RAD54B: variants seen among roughly 807,000 people sequenced by gnomAD.
The protein encoded by RAD54B is DNA repair and recombination protein RAD54B.
Under a neutral mutation model 95.8 loss-of-function variants are expected in RAD54B, and 78 were observed. That is an observed-to-expected ratio of 0.81 (90% CI 0.68 to 0.98). The LOEUF is 0.98. RAD54B is among the 50% of genes least tolerant of loss of function. The pLI is 0.00. For synonymous variants in RAD54B, 328 were observed against 354.9 expected, an observed-to-expected ratio of 0.92 and a Z score of 0.85; for missense variants, 957 against 1,056.6, an observed-to-expected ratio of 0.91 and a Z score of 1.31.
chr8:94,447,589 A>G (rs541952795), intron 3 of RAD54B, among the ~76,000 whole-genome samples: 10 of 152,354 alleles, frequency 6.6e-5, no homozygotes, highest in African/African-American at 2.2e-4. Context: ...CCTGCTTCGT[A>G]CACTGAGGAT....
chr8:94,422,502 G>A (rs1237347161), intron 3 of RAD54B, among the ~76,000 whole-genome samples: 5 of 142,506 alleles, frequency 3.5e-5, no homozygotes, highest in African/African-American at 5.2e-5. Flanking sequence ...CAGGAGAATC[G>A]CTTGAATCCG....
intron 8 of RAD54B, among the ~76,000 whole-genome samples, chr8:94,395,489 C>T (rs573260219): frequency 6.6e-5 from 10 of 152,264 alleles, no homozygotes; most frequent in African/African-American, 2.4e-4. Context: ...TGATTGCAAA[C>T]TATAGAGGAG....
chr8:94,399,361 G>A (rs748980661), intron 8 of RAD54B, 53 bp downstream of exon 8: 46 of 1,394,866 alleles, frequency 3.3e-5, no homozygotes, highest in Non-Finnish European at 4.6e-5. Context: ...GTACAAGTCT[G>A]TATGTTCACT....
At chr8:94,419,327 G>A (rs948091509) in intron 3 of RAD54B, among the ~76,000 whole-genome samples, 3 of 152,074 alleles carry the variant, frequency 2.0e-5, no homozygotes, top group Non-Finnish European at 4.4e-5. Flanking sequence ...GACCAACATG[G>A]TGAAACCCTG....
At chr8:94,454,590 T>C (rs911519965) in intron 3 of RAD54B, among the ~76,000 whole-genome samples, 10 of 152,134 alleles carry the variant, frequency 6.6e-5, no homozygotes, top group African/African-American at 2.2e-4. Flanking sequence ...CACACATCTT[T>C]TGTGTTTAAC....
intron 5 of RAD54B, 124 bp downstream of exon 5, chr8:94,407,315 A>T: frequency 1.1e-6 from 1 of 901,630 alleles, no homozygotes. Flanking sequence ...GTCAGATTAT[A>T]TATCTCAAGA....
At chr8:94,406,166 C>T (rs930950183) in intron 5 of RAD54B, among the ~76,000 whole-genome samples, 1 of 152,004 alleles carries the variant, frequency 6.6e-6, no homozygotes, top group African/African-American at 2.4e-5. Context: ...CACTCTAAAT[C>T]TCTACGGTGG....
At chr8:94,427,665 C>G (rs1293716126) in intron 3 of RAD54B, 2 of 965,080 alleles carry the variant, frequency 2.1e-6, no homozygotes, top group Non-Finnish European at 1.2e-6. Flanking sequence ...TTTACCTCTA[C>G]AGTACTGAAT....
intron 3 of RAD54B, among the ~76,000 whole-genome samples, chr8:94,445,236 C>CCA (rs1358318659): frequency 2.6e-5 from 4 of 152,040 alleles, no homozygotes; most frequent in African/African-American, 9.7e-5. Context: ...TTAAAGGGTA[C>CCA]TAATCGCATT....
intron 3 of RAD54B, among the ~76,000 whole-genome samples, chr8:94,415,044 A>G (rs989320125): frequency 9.2e-5 from 14 of 151,826 alleles, no homozygotes; most frequent in African/African-American, 3.1e-4. Flanking sequence ...ACCAAAAAAG[A>G]GCCCGCATTG....
intron 2 of RAD54B, among the ~76,000 whole-genome samples, chr8:94,460,742 G>A (rs1563665727): frequency 6.6e-6 from 1 of 151,854 alleles, no homozygotes; most frequent in Non-Finnish European, 1.5e-5. Flanking sequence ...GGATGCTCCA[G>A]GAGAGAATAT....
chr8:94,429,169 T>C (rs1450192495), intron 3 of RAD54B: 1 of 925,906 alleles, frequency 1.1e-6, no homozygotes, highest in Non-Finnish European at 1.3e-6. Flanking sequence ...AGGTTTCTTA[T>C]TGTATACAGC....
intron 14 of RAD54B, among the ~76,000 whole-genome samples, chr8:94,375,067 T>G (rs1198164959): frequency 6.6e-6 from 1 of 152,226 alleles, no homozygotes; most frequent in Non-Finnish European, 1.5e-5. Flanking sequence ...CATTCTAGTG[T>G]ATTTCTGGGA....
chr8:94,441,981 CA>C (rs930425891), intron 3 of RAD54B, among the ~76,000 whole-genome samples: 2 of 151,890 alleles, frequency 1.3e-5, no homozygotes, highest in African/African-American at 4.8e-5. Context: ...TAAACAAAGG[CA>C]AAAAAATCAA....
At chr8:94,412,962 AG>A (rs1811567100) in intron 3 of RAD54B, among the ~76,000 whole-genome samples, 1 of 152,202 alleles carries the variant, frequency 6.6e-6, no homozygotes, top group Admixed American at 6.5e-5. Flanking sequence ...CATTCACAGT[AG>A]CTCCAAAAAA....
At chr8:94,474,239 G>T (rs971011855) in intron 1 of RAD54B, among the ~76,000 whole-genome samples, 1 of 152,120 alleles carries the variant, frequency 6.6e-6, no homozygotes, top group African/African-American at 2.4e-5. Flanking sequence ...GAGGAGCAAG[G>T]GTTCAAAAAC....
chr8:94,412,516 C>G (rs1054110521), intron 3 of RAD54B, among the ~76,000 whole-genome samples: 3 of 151,964 alleles, frequency 2.0e-5, no homozygotes, highest in African/African-American at 7.2e-5. Flanking sequence ...GCTTCTTACA[C>G]CTAACTTGCA....
At chr8:94,417,573 C>A (rs954826351) in intron 3 of RAD54B, among the ~76,000 whole-genome samples, 2 of 151,366 alleles carry the variant, frequency 1.3e-5, no homozygotes, top group Non-Finnish European at 2.9e-5. Flanking sequence ...TCAAACAGTA[C>A]AACTAGTTTG....
At position 94,375,695 on chromosome 8, in the gene RAD54B, G is replaced by A. The variant is rs1451880321; in HGVS notation, c.2515+2485C>T. On this transcript the variant is annotated intron_variant, in intron 14 of 14. Transcript: ENST00000336148. ...ACAGCTGAGGAAGAAAAAGAATGAG[G>A]AAACTCTGTAACAATACGGAAAGAT... 8.5e-5 allele frequency among the ~76,000 whole-genome samples: 13 copies of A among 152,230 alleles called. No individual in the cohort carries two copies. The South Asian group carries it at 2.7e-3, about 32-fold the overall frequency.
Sources: allele counts gnomAD v4.1 joint callset (sites outside exome capture counted in the v4.1 genomes callset), GRCh38; gene constraint gnomAD v4.1.1; transcripts MANE v1.5; gene names NCBI Gene and HGNC (gene_info 2026-07-23, HGNC 2026-07-21).